The following SMARCB1 variants were observed in gnomAD, a reference collection of about 807,000 sequenced individuals.
SMARCB1 encodes SWI/SNF-related matrix-associated actin-dependent regulator of chromatin subfamily B member 1.
A neutral mutation model predicts 49.0 loss-of-function variants in SMARCB1; 5 were observed. That is an observed-to-expected ratio of 0.10 (90% CI 0.05 to 0.21). SMARCB1 has a LOEUF of 0.21. Among genes scored for constraint, SMARCB1 ranks in the 10% least tolerant of loss-of-function variants. The probability of loss-of-function intolerance (pLI) is 1.00; values close to 1 mark genes in which losing one functional copy is unlikely to be tolerated. For missense variants in SMARCB1, 226 were observed against 509.2 expected (o/e 0.44, Z 5.35); for synonymous variants, 201 against 200.1 (o/e 1.00, Z -0.04).
intron 6 of SMARCB1, among the ~76,000 whole-genome samples, chr22:23,820,245 T>C (rs533802119): frequency 6.6e-6 from 1 of 152,258 alleles, no homozygotes; most frequent in South Asian, 2.1e-4. Context: ...AGTTAAAGAA[T>C]AGTTTGAGAA....
Position 23,837,564 on chromosome 22 carries a change from T to A in SMARCB1, c.*3384T>A. ...GGATGGAGCCAGGTGTGAGGAGAAC[T>A]CCAGCAAGGATGGGAGAGGGGCCCC... On this transcript the variant is annotated 3_prime_UTR_variant, in exon 9 of 9. Coordinates refer to ENST00000644036, the MANE Select transcript of SMARCB1 (RefSeq NM_003073.5). The A allele has an allele frequency of 7.6e-7, 1 of 1,317,770 alleles. No homozygotes were observed. The highest frequency in any genetic ancestry group is 1.0e-6 in the Non-Finnish European group (1 of 955,386). 81.6% of individuals were successfully genotyped at this position (1,317,770 alleles called of 1,614,324 possible). A position where few individuals can be genotyped will look rare whatever the true frequency, so the allele number is the denominator to read the frequency against.
intron 5 of SMARCB1, among the ~76,000 whole-genome samples, chr22:23,804,947 C>G (rs962359537): frequency 1.3e-5 from 2 of 152,200 alleles, no homozygotes; most frequent in African/African-American, 4.8e-5. Flanking sequence ...CAGCAGATAA[C>G]GTAGTTGCAG....
intron 7 of SMARCB1, among the ~76,000 whole-genome samples, chr22:23,828,152 A>G (rs2030479321): frequency 6.6e-6 from 1 of 152,124 alleles, no homozygotes; most frequent in African/African-American, 2.4e-5. Flanking sequence ...TCCTGGGTTC[A>G]CGCCATTCTC....
At position 23,837,141 on chromosome 22, in the gene SMARCB1, G is replaced by A. The variant is rs754607537; in HGVS notation, c.*2961G>A. The A allele has an allele frequency of 1.2e-6, 2 of 1,613,918 alleles. No homozygotes were observed. Among genetic ancestry groups the A allele is most frequent in the Admixed American group, 3.3e-5 (2 of 60,002 alleles). The stretch of plus-strand genomic sequence containing the variant: ...CGTCCTCCAGGAAGTAGTAGATATG[G>A]CCCACCGCAATCCCTGTGAGACAGC... On this transcript the variant is annotated 3_prime_UTR_variant, in exon 9 of 9. Coordinates refer to ENST00000644036, the MANE Select transcript of SMARCB1 (RefSeq NM_003073.5).
intron 6 of SMARCB1, chr22:23,824,921 C>T (rs2030295908): frequency 6.0e-6 from 3 of 497,608 alleles, no homozygotes; most frequent in African/African-American, 5.8e-5. Context: ...GGAAGGTCCC[C>T]ACCAGCACAG....
At position 23,816,494 on chromosome 22, in the gene SMARCB1, G is replaced by A. The variant is rs555281704; in HGVS notation, c.629-276G>A. On this transcript the variant is annotated intron_variant, in intron 5 of 8. Coordinates refer to ENST00000644036, the MANE Select transcript of SMARCB1 (RefSeq NM_003073.5). ...CTCATTAGTTGGGATAATCTCATGC[G>A]CCCACCCAGCTATGAGTGGAATGAG... The A allele has an allele frequency of 6.5e-5, 38 of 585,746 alleles. No individual in the cohort carries two copies. In the African/African-American group the frequency reaches 6.5e-4, roughly 10 times the overall value. 36.3% of individuals were successfully genotyped at this position (585,746 alleles called of 1,614,324 possible).
intron 4 of SMARCB1, chr22:23,803,063 C>T (rs999148276): frequency 1.0e-4 from 64 of 613,172 alleles, no homozygotes; most frequent in Non-Finnish European, 1.7e-4. Flanking sequence ...CTGCCCAGGT[C>T]GATTCTATTG....
chr22:23,828,593 G>A (rs934520162), intron 7 of SMARCB1, among the ~76,000 whole-genome samples: 6 of 152,148 alleles, frequency 3.9e-5, no homozygotes, highest in African/African-American at 1.4e-4. Flanking sequence ...GGCGGAGATT[G>A]CAGTGAGCTG....
rs868137973 is a variant in SMARCB1, at chr22:23,799,281, A to T, written c.363-1663A>T. 8.0e-3 allele frequency among the ~76,000 whole-genome samples: 1,098 copies of T among 136,446 alleles called. 11 individuals carry two copies. Among genetic ancestry groups the T allele is most frequent in the African/African-American group, 0.027 (986 of 37,180 alleles). The allele number at this position is 136,446 out of a possible 152,430, so 89.5% of individuals were successfully genotyped here. A position where few individuals can be genotyped will look rare whatever the true frequency, so the allele number is the denominator to read the frequency against. On this transcript the variant is annotated intron_variant, in intron 3 of 8. Coordinates refer to ENST00000644036, the MANE Select transcript of SMARCB1 (RefSeq NM_003073.5). ...GCCTTAGTTTAAAACAGCTTTTGGTATTTTTTTTTTTTTTTCGAGATAGGA... is the reference window on the plus strand; with the variant it reads ...GCCTTAGTTTAAAACAGCTTTTGGTTTTTTTTTTTTTTTTTCGAGATAGGA...
chr22:23,802,392 T>C (rs760553752), intron 4 of SMARCB1: 5 of 152,612 alleles, frequency 3.3e-5, no homozygotes, highest in East Asian at 2.0e-4. Context: ...CTTTCCTCCT[T>C]CCTTCCTTCC....
chr22:23,836,616 G>T lies in SMARCB1; in HGVS notation c.*2436G>T, dbSNP rs2031067995. On this transcript the variant is annotated 3_prime_UTR_variant, in exon 9 of 9. Transcript: ENST00000644036. ...ATGGGCAGTTTCTTTGCCCTCTGTG[G>T]GCACCCCTATCCTACCACCTGCAGT... The T allele has an allele frequency of 8.2e-7, 1 of 1,213,084 alleles. No homozygotes were observed. The highest frequency in any genetic ancestry group is 1.0e-6 in the Non-Finnish European group (1 of 977,956). The allele number at this position is 1,213,084 out of a possible 1,614,324, so 75.1% of individuals were successfully genotyped here.
Position 23,836,779 on chromosome 22 carries a change from C to T in SMARCB1, c.*2599C>T. ...CAGGTGGGCCCTTGCATGGGCCCAG[C>T]CTTTAGGATGGGTTTTTTCTGCCCC... On this transcript the variant is annotated 3_prime_UTR_variant, in exon 9 of 9. Coordinates refer to ENST00000644036, the MANE Select transcript of SMARCB1 (RefSeq NM_003073.5). 1.4e-6 allele frequency: 2 copies of T among 1,408,798 alleles called. No individual in the cohort carries two copies. The highest frequency in any genetic ancestry group is 1.8e-6 in the Non-Finnish European group (2 of 1,082,306). The allele number at this position is 1,408,798 out of a possible 1,614,324, so 87.3% of individuals were successfully genotyped here.
chr22:23,813,150 C>T (rs1323332328), intron 5 of SMARCB1, among the ~76,000 whole-genome samples: 2 of 152,212 alleles, frequency 1.3e-5, no homozygotes, highest in African/African-American at 4.8e-5. Context: ...CAGGCGTGAG[C>T]CACAGAGCCT....
At chr22:23,818,334 T>A (rs2029896501) in intron 6 of SMARCB1, 1 of 151,470 alleles carries the variant, frequency 6.6e-6, no homozygotes, top group African/African-American at 2.4e-5. Flanking sequence ...TTGTATTTTT[T>A]ATAGCAGAGA....
In SMARCB1 at chr22:23,837,435, G is replaced by A. The variant is rs1043591497; in HGVS notation, c.*3255G>A. The A allele has an allele frequency of 6.2e-6, 4 of 647,442 alleles. No homozygotes were observed. Among genetic ancestry groups the A allele is most frequent in the African/African-American group, 1.8e-5 (1 of 54,674 alleles). The allele number at this position is 647,442 out of a possible 1,614,324, so 40.1% of individuals were successfully genotyped here. On this transcript the variant is annotated 3_prime_UTR_variant, in exon 9 of 9. Transcript: ENST00000644036. ...GACCCTCCCATCCTCACTCCCATCA[G>A]GACCGTGCAAGCATCAGTAGATCCG...
chr22:23,836,984 GAGCACAGGCC>G lies in SMARCB1; in HGVS notation c.*2813_*2822del, dbSNP rs765741009. 2.0e-5 allele frequency: 32 copies of G among 1,607,340 alleles called. No individual in the cohort carries two copies. Among genetic ancestry groups the G allele is most frequent in the East Asian group, 2.2e-5 (1 of 44,656 alleles). ...CTTTCTGTGGGGAGGGGCCCGTGTT[GAGCACAGGCC>G]AGCACAGGTCCCCATCGGTGGGGAT... On this transcript the variant is annotated 3_prime_UTR_variant, in exon 9 of 9. Coordinates refer to ENST00000644036, the MANE Select transcript of SMARCB1 (RefSeq NM_003073.5).
chr22:23,833,411 C>T (rs1291992824), intron 7 of SMARCB1, among the ~76,000 whole-genome samples, 161 bp from the exon 8 acceptor site: 1 of 152,232 alleles, frequency 6.6e-6, no homozygotes, highest in Admixed American at 6.5e-5. Flanking sequence ...AAGGCCCTGG[C>T]GCCTCCAGCA....
In SMARCB1 at chr22:23,837,804, G is replaced by A. The variant is rs1394459100; in HGVS notation, c.*3624G>A. Reference sequence around the variant, plus strand: ...GGCGGCTCCACACGTACACCAGCATGGCCATGAGGGCCTGGCCCAGGAAGA... The same window carrying A: ...GGCGGCTCCACACGTACACCAGCATAGCCATGAGGGCCTGGCCCAGGAAGA... On this transcript the variant is annotated 3_prime_UTR_variant, in exon 9 of 9. Coordinates refer to ENST00000644036, the MANE Select transcript of SMARCB1 (RefSeq NM_003073.5). 2 of 1,613,838 alleles carry A rather than the reference G, an allele frequency of 1.2e-6. No individual in the cohort carries two copies. The highest frequency in any genetic ancestry group is 2.7e-5 in the African/African-American group (2 of 75,042).
At chr22:23,801,266 T>G in intron 4 of SMARCB1, 185 bp downstream of exon 4, 1 of 869,412 alleles carries the variant, frequency 1.2e-6, no homozygotes. Context: ...CATAGCCTCC[T>G]TGGCTCTGTC....
Sources: allele counts gnomAD v4.1 joint callset (sites outside exome capture counted in the v4.1 genomes callset), GRCh38; gene constraint gnomAD v4.1.1; transcripts MANE v1.5; gene names NCBI Gene and HGNC (gene_info 2026-07-23, HGNC 2026-07-21).